The following CDK17 variants were observed in gnomAD, a reference collection of about 807,000 sequenced individuals.
CDK17 encodes the protein cyclin-dependent kinase 17.
In CDK17, 24 loss-of-function variants were observed where a neutral mutation model predicts 77.6. The observed-to-expected ratio is 0.31, with a 90% confidence interval of 0.22 to 0.44. The LOEUF (loss-of-function observed/expected upper bound fraction) is 0.44. Among genes scored for constraint, CDK17 ranks in the 20% least tolerant of loss-of-function variants. CDK17 has a pLI of 1.00. For missense variants in CDK17, 429 were observed against 622.5 expected, an observed-to-expected ratio of 0.69 and a Z score of 3.31; for synonymous variants, 203 against 210.4, an observed-to-expected ratio of 0.96 and a Z score of 0.30.
At chr12:96,305,743 G>T (rs1489373009) in intron 5 of CDK17, among the ~76,000 whole-genome samples, 1 of 152,022 alleles carries the variant, frequency 6.6e-6, no homozygotes, top group Non-Finnish European at 1.5e-5. Flanking sequence ...TTGAGACAGG[G>T]TCTCTTGCTC....
intron 1 of CDK17, among the ~76,000 whole-genome samples, chr12:96,381,563 CATAA>C (rs2137228400): frequency 6.6e-6 from 1 of 151,962 alleles, no homozygotes; most frequent in Non-Finnish European, 1.5e-5. Context: ...ATTTTCCTCC[CATAA>C]ACTCTACTAC....
chr12:96,391,575 G>C (rs1397267703), intron 1 of CDK17, among the ~76,000 whole-genome samples: 1 of 152,208 alleles, frequency 6.6e-6, no homozygotes, highest in Non-Finnish European at 1.5e-5. Context: ...ACAGGCGTGA[G>C]CCACCGCGGC....
chr12:96,351,384 T>A (rs773640746), intron 1 of CDK17, among the ~76,000 whole-genome samples: 1 of 150,396 alleles, frequency 6.6e-6, no homozygotes, highest in Non-Finnish European at 1.5e-5. Context: ...ATGGCAGCAT[T>A]ATTCACAACA....
chr12:96,399,407 C>T (rs908232010), intron 1 of CDK17: 5 of 152,574 alleles, frequency 3.3e-5, no homozygotes, highest in Admixed American at 2.6e-4. Context: ...TGATCTTTGT[C>T]TCTACCCGCT....
chr12:96,288,589 C>T (rs1952276288), intron 11 of CDK17, among the ~76,000 whole-genome samples: 1 of 152,110 alleles, frequency 6.6e-6, no homozygotes, highest in African/African-American at 2.4e-5. Context: ...TTAGAGACAT[C>T]TTATGGAAAT....
intron 2 of CDK17, 55 bp downstream of exon 2, chr12:96,334,664 C>G: frequency 2.3e-6 from 2 of 887,034 alleles, no homozygotes; most frequent in Non-Finnish European, 3.7e-6. Context: ...AATTTACATT[C>G]TATTCATAAA....
At chr12:96,313,236 GC>G (rs1191444789) in intron 4 of CDK17, 84 bp downstream of exon 4, 1 of 1,075,950 alleles carries the variant, frequency 9.3e-7, no homozygotes, top group African/African-American at 1.7e-5. Context: ...TTTTAAATGG[GC>G]ATTTACTCCA....
chr12:96,312,427 T>C (rs1272272936), intron 4 of CDK17, among the ~76,000 whole-genome samples: 3 of 152,114 alleles, frequency 2.0e-5, no homozygotes, highest in African/African-American at 7.2e-5. Context: ...TAAAAAATCA[T>C]CTATAAGGTG....
chr12:96,324,254 A>G (rs2137126469), intron 2 of CDK17, 142 bp from the exon 3 acceptor site: 3 of 431,278 alleles, frequency 7.0e-6, no homozygotes, highest in Non-Finnish European at 4.0e-6. Flanking sequence ...TATACACAGT[A>G]TTAAAATTAA....
chr12:96,286,175 A>G (rs1194817538), intron 12 of CDK17, 27 bp from the exon 13 acceptor site: 3 of 571,254 alleles, frequency 5.3e-6, no homozygotes, highest in Non-Finnish European at 7.8e-6. Flanking sequence ...AATTAAATAT[A>G]TTTATAAATA....
chr12:96,389,703 G>A (rs1954036292), intron 1 of CDK17, among the ~76,000 whole-genome samples: 1 of 152,084 alleles, frequency 6.6e-6, no homozygotes, highest in African/African-American at 2.4e-5. Context: ...CACAAATTAT[G>A]AAAATTCATT....
At chr12:96,284,855 G>A (rs565749043) in intron 13 of CDK17, among the ~76,000 whole-genome samples, 152 of 152,212 alleles carry the variant, frequency 1.0e-3, no homozygotes, top group Non-Finnish European at 1.8e-3. Flanking sequence ...GTGAATCACC[G>A]TGCCCGGCCT....
chr12:96,312,868 T>C (rs567158894), intron 4 of CDK17, among the ~76,000 whole-genome samples: 57 of 152,090 alleles, frequency 3.7e-4, no homozygotes, highest in Non-Finnish European at 7.1e-4. Flanking sequence ...TTTTATAATA[T>C]AATGCAAGAA....
intron 5 of CDK17, among the ~76,000 whole-genome samples, chr12:96,304,519 G>C (rs1048565112): frequency 5.4e-5 from 8 of 147,664 alleles, no homozygotes; most frequent in African/African-American, 2.0e-4. Context: ...CCTGGCGACA[G>C]AGCAAGACTC....
intron 1 of CDK17, among the ~76,000 whole-genome samples, chr12:96,348,385 G>A (rs934557372): frequency 1.3e-5 from 2 of 151,640 alleles, no homozygotes; most frequent in African/African-American, 2.4e-5. Flanking sequence ...TTAGCTGGAC[G>A]TCAAGGCAAG....
chr12:96,383,353 T>C lies in CDK17; in HGVS notation c.-30+16633A>G, dbSNP rs73366601. 5.8e-3 allele frequency among the ~76,000 whole-genome samples: 864 copies of C among 149,628 alleles called. 7 individuals are homozygous for C. Among genetic ancestry groups the C allele is most frequent in the African/African-American group, 0.019 (774 of 40,624 alleles). ...CATAGTGCCAAAAGCAATATACGGA[T>C]TCAATGCTATTCCTATCAAACTATC... On this transcript the variant is annotated intron_variant, in intron 1 of 16. Transcript: ENST00000261211.
At chr12:96,385,473 T>C (rs970699148) in intron 1 of CDK17, among the ~76,000 whole-genome samples, 1 of 152,004 alleles carries the variant, frequency 6.6e-6, no homozygotes, top group Non-Finnish European at 1.5e-5. Context: ...AATATACCCA[T>C]GTAACGAACC....
intron 5 of CDK17, 116 bp downstream of exon 5, chr12:96,310,936 A>C: frequency 9.2e-7 from 1 of 1,089,128 alleles, no homozygotes; most frequent in Non-Finnish European, 1.3e-6. Context: ...AGGCAATATA[A>C]TAAAATTTAG....
chr12:96,398,377 G>A (rs1389364275), intron 1 of CDK17, among the ~76,000 whole-genome samples: 1 of 152,114 alleles, frequency 6.6e-6, no homozygotes, highest in Non-Finnish European at 1.5e-5. Flanking sequence ...AACGTTTAAT[G>A]TCAACTCCTC....
Sources: allele counts gnomAD v4.1 joint callset (sites outside exome capture counted in the v4.1 genomes callset), GRCh38; gene constraint gnomAD v4.1.1; transcripts MANE v1.5; gene names NCBI Gene and HGNC (gene_info 2026-07-23, HGNC 2026-07-21).